SUDS3: variants seen among roughly 807,000 people sequenced by gnomAD.
SUDS3 encodes the protein sin3 histone deacetylase corepressor complex component SDS3.
SUDS3 carries 23 observed loss-of-function variants against 53.5 expected under a neutral mutation model. That is an observed-to-expected ratio of 0.43 (90% CI 0.31 to 0.61). The LOEUF (loss-of-function observed/expected upper bound fraction) is 0.61, where lower values mean the gene tolerates loss of function less well. Among genes scored for constraint, SUDS3 ranks in the 20% least tolerant of loss-of-function variants. The pLI is 0.10. For synonymous variants in SUDS3, 150 were observed against 148.5 expected (o/e 1.01, Z -0.08); for missense variants, 291 against 405.9 (o/e 0.72, Z 2.43).
At chr12:118,393,239 A>G (rs1045145453) in intron 6 of SUDS3, among the ~76,000 whole-genome samples, 2 of 152,170 alleles carry the variant, frequency 1.3e-5, no homozygotes, top group Admixed American at 6.5e-5. Context: ...ATCTTTGTGG[A>G]TTGATGCCCA....
chr12:118,382,505 A>G (rs981188798), intron 2 of SUDS3, among the ~76,000 whole-genome samples: 1 of 151,202 alleles, frequency 6.6e-6, no homozygotes, highest in South Asian at 2.1e-4. Context: ...AGCTGGGACA[A>G]CAGGCACGTG....
At chr12:118,413,296 C>T (rs533363651) in intron 11 of SUDS3, among the ~76,000 whole-genome samples, 312 of 152,190 alleles carry the variant, frequency 2.1e-3, no homozygotes, top group African/African-American at 7.2e-3. Context: ...AGATGCAGAC[C>T]TTTCAAAAAA....
chr12:118,400,563 T>C lies in SUDS3; in HGVS notation c.518-96T>C, dbSNP rs2046254782. ...AACACCCCCAGTAAAACAGTTCTGATTGGGTGGCTGGGGGGCAGATATTCT... is the reference window on the plus strand; with the variant it reads ...AACACCCCCAGTAAAACAGTTCTGACTGGGTGGCTGGGGGGCAGATATTCT... On this transcript the variant is annotated intron_variant, in intron 6 of 11. Coordinates refer to ENST00000543473, the MANE Select transcript of SUDS3 (RefSeq NM_022491.3). The C allele has an allele frequency of 3.5e-6, 4 of 1,138,892 alleles. No individual in the cohort carries two copies. In the East Asian group the frequency reaches 7.1e-5, roughly 20 times the overall value. The allele number at this position is 1,138,892 out of a possible 1,614,324, so 70.5% of individuals were successfully genotyped here.
chr12:118,404,987 C>T (rs1183773597), intron 10 of SUDS3, among the ~76,000 whole-genome samples: 4 of 152,190 alleles, frequency 2.6e-5, no homozygotes, highest in African/African-American at 9.7e-5. Flanking sequence ...TGGAGGCTGG[C>T]TTTATCTCTA....
At chr12:118,392,351 C>T (rs541545245) in intron 6 of SUDS3, among the ~76,000 whole-genome samples, 2 of 152,248 alleles carry the variant, frequency 1.3e-5, no homozygotes, top group African/African-American at 4.8e-5. Flanking sequence ...ACCAGCTTGG[C>T]CTTCTGACTG....
In SUDS3 at chr12:118,391,107, G is replaced by A. The variant is rs146552946; in HGVS notation, c.361-19G>A. 8 of 1,611,318 alleles carry A rather than the reference G, an allele frequency of 5.0e-6. No individual in the cohort carries two copies. Among genetic ancestry groups the A allele is most frequent in the East Asian group, 2.2e-5 (1 of 44,868 alleles). ...TCCCAGGGCTGTGTACTCCCAGCCC[G>A]TGTTTCTCTTTTGCTCAGACTGAAC... On this transcript the variant is annotated intron_variant, in intron 5 of 11. Transcript: ENST00000543473.
chr12:118,417,561 G>C lies in SUDS3; in HGVS notation c.*3128G>C. ...TCCAAAGAGTTGAAATCACTTTAAT[G>C]CCAGAACATGGTAAATTTGCAGCCA... is the stretch of plus-strand genomic sequence containing the variant. On this transcript the variant is annotated 3_prime_UTR_variant, in exon 12 of 12. Transcript: ENST00000543473. 1 of 151,524 alleles carries C rather than the reference G, an allele frequency of 6.6e-6. No homozygotes were observed. Among genetic ancestry groups the C allele is most frequent in the Admixed American group, 6.6e-5 (1 of 15,194 alleles). The allele number at this position is 151,524 out of a possible 1,614,324, so 9.4% of individuals were successfully genotyped here. A position where few individuals can be genotyped will look rare whatever the true frequency, so the allele number is the denominator to read the frequency against.
chr12:118,399,653 G>A (rs1259300031), intron 6 of SUDS3, among the ~76,000 whole-genome samples: 2 of 152,186 alleles, frequency 1.3e-5, no homozygotes, highest in Non-Finnish European at 2.9e-5. Context: ...ATGAAGGGAT[G>A]GAGTGGAGGC....
intron 9 of SUDS3, among the ~76,000 whole-genome samples, chr12:118,403,117 T>C (rs192430566): frequency 6.6e-6 from 1 of 152,338 alleles, no homozygotes; most frequent in Admixed American, 6.5e-5. Context: ...ACCAGGGCTT[T>C]AGTCCTACTC....
chr12:118,396,672 G>A (rs950262218), intron 6 of SUDS3, among the ~76,000 whole-genome samples: 1 of 152,216 alleles, frequency 6.6e-6, no homozygotes. Flanking sequence ...TTTTCCTGCC[G>A]TTGTACACTA....
At chr12:118,405,946 C>G (rs927847705) in intron 10 of SUDS3, among the ~76,000 whole-genome samples, 1 of 152,152 alleles carries the variant, frequency 6.6e-6, no homozygotes, top group African/African-American at 2.4e-5. Flanking sequence ...AGATGTCTTC[C>G]TGAGTTTTAA....
chr12:118,395,714 C>T (rs1276605033), intron 6 of SUDS3, among the ~76,000 whole-genome samples: 8 of 152,050 alleles, frequency 5.3e-5, no homozygotes, highest in Non-Finnish European at 7.4e-5. Context: ...GATTTTGAGA[C>T]GTAGTCTAGC....
At chr12:118,377,811 G>C (rs1209128743) in intron 1 of SUDS3, among the ~76,000 whole-genome samples, 2 of 152,184 alleles carry the variant, frequency 1.3e-5, no homozygotes, top group Non-Finnish European at 2.9e-5. Context: ...AGCTAGACCA[G>C]CTGTTTGGAA....
chr12:118,376,561 G>T lies in SUDS3; in HGVS notation c.-131G>T, dbSNP rs553951410. 2.8e-5 allele frequency: 33 copies of T among 1,176,640 alleles called. No homozygotes were observed. Among genetic ancestry groups the T allele is most frequent in the Admixed American group, 4.3e-5 (1 of 23,394 alleles). The allele number at this position is 1,176,640 out of a possible 1,614,324, so 72.9% of individuals were successfully genotyped here. Reference sequence around the variant, plus strand: ...GCGGGGGGCGGAGCTCGGCGGAGACGGGGAAGGGGTCGCCGTGGCTGCCGG... The same window carrying T: ...GCGGGGGGCGGAGCTCGGCGGAGACTGGGAAGGGGTCGCCGTGGCTGCCGG... On this transcript the variant is annotated 5_prime_UTR_variant, in exon 1 of 12. Coordinates refer to ENST00000543473, the MANE Select transcript of SUDS3 (RefSeq NM_022491.3).
At chr12:118,382,314 TTGAGATTACAGGCC>T (rs2046072890) in intron 2 of SUDS3, among the ~76,000 whole-genome samples, 1 of 151,596 alleles carries the variant, frequency 6.6e-6, no homozygotes, top group Admixed American at 6.6e-5. Context: ...TCCCATCGTG[TTGAGATTACAGGCC>T]TGAGCCATCG....
intron 1 of SUDS3, among the ~76,000 whole-genome samples, 177 bp downstream of exon 1, chr12:118,377,010 G>A (rs529834412): frequency 2.0e-5 from 3 of 152,286 alleles, no homozygotes; most frequent in East Asian, 1.9e-4. Context: ...TAGCGGGGAA[G>A]CCCTGGGTGC....
At chr12:118,386,773 A>G (rs1593757555) in intron 4 of SUDS3, among the ~76,000 whole-genome samples, 1 of 152,208 alleles carries the variant, frequency 6.6e-6, no homozygotes, top group Admixed American at 6.5e-5. Context: ...TTGGTGTTTC[A>G]TTGACAAAAG....
At chr12:118,387,551 T>A (rs180825827) in intron 4 of SUDS3, among the ~76,000 whole-genome samples, 1 of 147,260 alleles carries the variant, frequency 6.8e-6, no homozygotes, top group Non-Finnish European at 1.5e-5. Context: ...CATGTCCTCA[T>A]GTGTTCTTTT....
At chr12:118,384,099 A>G (rs764027222) in intron 3 of SUDS3, 32 bp downstream of exon 3, 15 of 1,603,868 alleles carry the variant, frequency 9.4e-6, no homozygotes, top group Admixed American at 1.7e-5. Context: ...GCATTTCTAA[A>G]TATGCTTCTT....
Sources: gnomAD v4.1 joint callset for allele counts (sites outside exome capture counted in the v4.1 genomes callset) on GRCh38, gnomAD v4.1.1 for gene constraint, MANE v1.5 for transcripts, NCBI Gene and HGNC (gene_info 2026-07-23, HGNC 2026-07-21) for gene names.